Variants in SLC24A3 observed in about 807,000 individuals in gnomAD.
SLC24A3 encodes sodium/potassium/calcium exchanger 3.
SLC24A3 carries 28 observed loss-of-function variants against 75.8 expected under a neutral mutation model. That is an observed-to-expected ratio of 0.37 (90% CI 0.27 to 0.51). The LOEUF (loss-of-function observed/expected upper bound fraction) is 0.51, where lower values mean the gene tolerates loss of function less well. Ranked by LOEUF, SLC24A3 falls within the 20% of genes least tolerant of loss-of-function variation. The probability of loss-of-function intolerance (pLI) is 0.94; values close to 1 mark genes in which losing one functional copy is unlikely to be tolerated. For missense variants in SLC24A3, 663 were observed against 847.8 expected, an observed-to-expected ratio of 0.78 and a Z score of 2.71; for synonymous variants, 372 against 334.1, an observed-to-expected ratio of 1.11 and a Z score of -1.24.
At chr20:19,686,106 C>T (rs76808122) in intron 12 of SLC24A3, among the ~76,000 whole-genome samples, 2,088 of 152,242 alleles carry the variant, frequency 0.014, 17 homozygotes, top group Middle Eastern at 0.031. Flanking sequence ...TTTCAGGGGA[C>T]GGTCTTATCT....
At chr20:19,708,755 TTCTCAAGGTTATTCAAACA>T (rs2032957116) in intron 15 of SLC24A3, among the ~76,000 whole-genome samples, 1 of 152,192 alleles carries the variant, frequency 6.6e-6, no homozygotes, top group Non-Finnish European at 1.5e-5. Context: ...TGAACGAGGC[TTCTCAAGGTTATTCAAACA>T]GAGCTCCTGG....
intron 1 of SLC24A3, among the ~76,000 whole-genome samples, chr20:19,227,042 C>T (rs571688514): frequency 2.6e-5 from 4 of 152,298 alleles, no homozygotes; most frequent in East Asian, 3.9e-4. Context: ...AAGGCTCACA[C>T]GTACTATCAT....
In SLC24A3 at chr20:19,577,957, C is replaced by G. The variant is rs1433965952; in HGVS notation, c.349-2043C>G. 2.0e-5 allele frequency among the ~76,000 whole-genome samples: 3 copies of G among 152,254 alleles called. No homozygotes were observed. In the East Asian group the frequency reaches 5.8e-4, roughly 29 times the overall value. ...CATTTGTCTGATATTTCCACAGGAT[C>G]TAGTGTTAAAGTATACTTTAGAATC... On this transcript the variant is annotated intron_variant, in intron 3 of 16. Transcript: ENST00000328041.
At chr20:19,613,808 G>A (rs775864534) in intron 6 of SLC24A3, among the ~76,000 whole-genome samples, 1 of 152,168 alleles carries the variant, frequency 6.6e-6, no homozygotes, top group Non-Finnish European at 1.5e-5. Context: ...CCAGATGAAG[G>A]CTTCCTTGGT....
chr20:19,481,049 A>G (rs889659977), intron 2 of SLC24A3, among the ~76,000 whole-genome samples: 1 of 152,184 alleles, frequency 6.6e-6, no homozygotes, highest in African/African-American at 2.4e-5. Context: ...TGACTGCACA[A>G]TCATAGAAGT....
chr20:19,568,316 C>T (rs1376681256), intron 3 of SLC24A3, among the ~76,000 whole-genome samples: 1 of 152,076 alleles, frequency 6.6e-6, no homozygotes, highest in Admixed American at 6.5e-5. Flanking sequence ...ATCGGGGACT[C>T]AAAGAATATT....
intron 2 of SLC24A3, among the ~76,000 whole-genome samples, chr20:19,430,516 A>G (rs1435140193): frequency 1.3e-5 from 2 of 152,168 alleles, no homozygotes; most frequent in Non-Finnish European, 2.9e-5. Context: ...CAGTTTATTT[A>G]TGTGGAATTT....
chr20:19,676,699 G>A (rs1435081444), intron 9 of SLC24A3, among the ~76,000 whole-genome samples: 2 of 152,200 alleles, frequency 1.3e-5, no homozygotes, highest in East Asian at 3.9e-4. Context: ...CATTCTATCT[G>A]AAGGTCAAAA....
Position 19,212,742 on chromosome 20 carries a change from G to A in SLC24A3, c.-101G>A, listed in dbSNP as rs1981436278. On this transcript the variant is annotated 5_prime_UTR_variant, in exon 1 of 17. Coordinates refer to ENST00000328041, the MANE Select transcript of SLC24A3 (RefSeq NM_020689.4). ...GGGTGGGAGCGCAGCGAGGACGCGCGGCTGCTGCGCGCAGGGCTGCCTCCT... is the reference window on the plus strand; with the variant it reads ...GGGTGGGAGCGCAGCGAGGACGCGCAGCTGCTGCGCGCAGGGCTGCCTCCT... 2.5e-5 allele frequency: 23 copies of A among 914,630 alleles called. No individual in the cohort carries two copies. Among genetic ancestry groups the A allele is most frequent in the Non-Finnish European group, 3.0e-5 (23 of 767,842 alleles). 56.7% of individuals were successfully genotyped at this position (914,630 alleles called of 1,614,324 possible). A position where few individuals can be genotyped will look rare whatever the true frequency, so the allele number is the denominator to read the frequency against.
intron 2 of SLC24A3, among the ~76,000 whole-genome samples, chr20:19,339,404 CA>C (rs1834602362): frequency 6.6e-6 from 1 of 152,160 alleles, no homozygotes; most frequent in Non-Finnish European, 1.5e-5. Flanking sequence ...AGCTATCACT[CA>C]GTCTATATAA....
intron 2 of SLC24A3, among the ~76,000 whole-genome samples, chr20:19,307,658 G>A (rs1401625979): frequency 6.6e-6 from 1 of 152,052 alleles, no homozygotes; most frequent in East Asian, 1.9e-4. Flanking sequence ...TGCATGTGGG[G>A]CTTAAAACCT....
intron 2 of SLC24A3, among the ~76,000 whole-genome samples, chr20:19,428,294 C>T (rs1987046583): frequency 6.6e-6 from 1 of 152,200 alleles, no homozygotes; most frequent in Admixed American, 6.5e-5. Flanking sequence ...AATCAGTGTG[C>T]TTATTGTTTG....
intron 2 of SLC24A3, among the ~76,000 whole-genome samples, chr20:19,288,076 G>A (rs1298338585): frequency 6.6e-6 from 1 of 152,208 alleles, no homozygotes; most frequent in Non-Finnish European, 1.5e-5. Flanking sequence ...TCATTTATAG[G>A]AATTTACCAC....
intron 3 of SLC24A3, among the ~76,000 whole-genome samples, chr20:19,535,084 G>T (rs1479710093): frequency 1.3e-5 from 2 of 152,212 alleles, no homozygotes; most frequent in African/African-American, 4.8e-5. Flanking sequence ...TTTTACAGGA[G>T]TTTGGAAAGA....
intron 2 of SLC24A3, among the ~76,000 whole-genome samples, chr20:19,346,334 A>G (rs1285074236): frequency 1.3e-4 from 9 of 67,818 alleles, no homozygotes; most frequent in Non-Finnish European, 2.0e-4. Context: ...TATATGGTGT[A>G]TATATATATG....
intron 2 of SLC24A3, among the ~76,000 whole-genome samples, chr20:19,301,318 G>A (rs1186384836): frequency 6.6e-6 from 1 of 152,200 alleles, no homozygotes; most frequent in Non-Finnish European, 1.5e-5. Context: ...AGTGGGACAG[G>A]CTGGAGCAGG....
intron 4 of SLC24A3, among the ~76,000 whole-genome samples, chr20:19,581,461 C>A (rs1244472348): frequency 6.6e-6 from 1 of 151,982 alleles, no homozygotes; most frequent in Non-Finnish European, 1.5e-5. Flanking sequence ...ATACCCATGC[C>A]CTTGTAGGGA....
Position 19,715,778 on chromosome 20 carries a change from G to A in SLC24A3, c.1720-1750G>A, listed in dbSNP as rs557254834. 3.3e-5 allele frequency among the ~76,000 whole-genome samples: 5 copies of A among 152,226 alleles called. No individual in the cohort carries two copies. The South Asian group carries it at 6.2e-4, about 19-fold the overall frequency. The stretch of plus-strand genomic sequence containing the variant: ...GAAGGGCCCAGAACCACTCCTACTC[G>A]ATAATTACCACTTAGTTGTCTAACA... On this transcript the variant is annotated intron_variant, in intron 15 of 16. Transcript: ENST00000328041.
At chr20:19,603,411 G>A (rs1568669789) in intron 6 of SLC24A3, among the ~76,000 whole-genome samples, 1 of 152,164 alleles carries the variant, frequency 6.6e-6, no homozygotes. Context: ...GTGGAATGGG[G>A]GCTGGTGATG....
Sources: gnomAD v4.1 joint callset for allele counts (sites outside exome capture counted in the v4.1 genomes callset) on GRCh38, gnomAD v4.1.1 for gene constraint, MANE v1.5 for transcripts, NCBI Gene and HGNC (gene_info 2026-07-23, HGNC 2026-07-21) for gene names.